CPEB3: variants seen among roughly 807,000 people sequenced by gnomAD.
CPEB3 encodes the protein cytoplasmic polyadenylation element binding protein 3.
CPEB3 carries 20 observed loss-of-function variants against 67.2 expected under a neutral mutation model. The ratio of observed to expected loss-of-function variants is 0.30; its 90% CI spans 0.21 to 0.43. CPEB3 has a LOEUF of 0.43. Among genes scored for constraint, CPEB3 ranks in the 20% least tolerant of loss-of-function variants. CPEB3 has a pLI of 1.00. For missense variants in CPEB3, 746 were observed against 968.6 expected, an observed-to-expected ratio of 0.77 and a Z score of 3.05; for synonymous variants, 376 against 393.1, an observed-to-expected ratio of 0.96 and a Z score of 0.51.
At chr10:92,196,287 C>A (rs913365309) in intron 2 of CPEB3, among the ~76,000 whole-genome samples, 10 of 152,176 alleles carry the variant, frequency 6.6e-5, no homozygotes, top group African/African-American at 2.4e-4. Flanking sequence ...AATAAACAAG[C>A]CTGGCTACCT....
intron 1 of CPEB3, among the ~76,000 whole-genome samples, chr10:92,287,276 G>A (rs1253067209): frequency 2.0e-5 from 3 of 152,068 alleles, no homozygotes; most frequent in Non-Finnish European, 2.9e-5. Flanking sequence ...CTACAGGTAT[G>A]CGCCACTATC....
intron 1 of CPEB3, among the ~76,000 whole-genome samples, chr10:92,281,781 T>G (rs1349731542): frequency 6.6e-6 from 1 of 152,260 alleles, no homozygotes; most frequent in East Asian, 1.9e-4. Flanking sequence ...TCTTTTTGCA[T>G]GCACATGGTA....
intron 1 of CPEB3, among the ~76,000 whole-genome samples, chr10:92,278,554 C>CACATTGAGCTTATATCCT (rs1382501015): frequency 6.6e-6 from 1 of 151,304 alleles, no homozygotes; most frequent in Non-Finnish European, 1.5e-5. Context: ...TACCTTTTTG[C>CACATTGAGCTTATATCCT]ACATTGAGCT....
intron 9 of CPEB3, 144 bp from the exon 10 acceptor site, chr10:92,052,583 G>C: frequency 1.5e-6 from 1 of 657,806 alleles, no homozygotes; most frequent in Non-Finnish European, 2.6e-6. Flanking sequence ...TGGTGGTTGA[G>C]AGCATGGGCT....
At chr10:92,194,053 C>A (rs915943857) in intron 2 of CPEB3, among the ~76,000 whole-genome samples, 1 of 151,158 alleles carries the variant, frequency 6.6e-6, no homozygotes, top group African/African-American at 2.4e-5. Context: ...GCCTCGGCCT[C>A]CCAAAGTACA....
At chr10:92,264,398 C>A (rs1852948409) in intron 1 of CPEB3, among the ~76,000 whole-genome samples, 1 of 151,576 alleles carries the variant, frequency 6.6e-6, no homozygotes, top group Non-Finnish European at 1.5e-5. Context: ...TGAATAAGCT[C>A]AGGTCTATTT....
chr10:92,216,356 G>A (rs903562815), intron 2 of CPEB3: 13 of 1,609,248 alleles, frequency 8.1e-6, no homozygotes, highest in Middle Eastern at 1.7e-4. Flanking sequence ...GGCAGATCCC[G>A]AAGGGCCCGA....
intron 2 of CPEB3, among the ~76,000 whole-genome samples, chr10:92,222,357 T>C (rs1173753030): frequency 1.3e-5 from 2 of 152,136 alleles, no homozygotes; most frequent in South Asian, 2.1e-4. Context: ...TTAATGTCAG[T>C]ATTATTGTAA....
At chr10:92,190,431 C>T (rs1371026758) in intron 3 of CPEB3, among the ~76,000 whole-genome samples, 4 of 151,522 alleles carry the variant, frequency 2.6e-5, no homozygotes, top group Admixed American at 2.0e-4. Context: ...TTTGGGAGGC[C>T]GAGGCAGGTG....
chr10:92,172,694 G>A (rs931905857), intron 4 of CPEB3, among the ~76,000 whole-genome samples: 1 of 152,054 alleles, frequency 6.6e-6, no homozygotes, highest in African/African-American at 2.4e-5. Flanking sequence ...AAGTTGAAAG[G>A]GGGAAAAAAA....
Position 92,216,348 on chromosome 10 carries a change from C to G in CPEB3, c.1005+22998G>C. 2.5e-6 allele frequency: 4 copies of G among 1,606,100 alleles called. No homozygotes were observed. The South Asian group carries it at 4.4e-5, about 18-fold the overall frequency. ...GCCGCTGCGATGACCAAAATAAAGG[C>G]AGATCCCGAAGGGCCCGAGGCTCAG... On this transcript the variant is annotated intron_variant, in intron 2 of 9. Coordinates refer to ENST00000265997, the MANE Select transcript of CPEB3 (RefSeq NM_014912.5).
chr10:92,068,438 C>T (rs954416980), intron 9 of CPEB3, among the ~76,000 whole-genome samples: 2 of 152,198 alleles, frequency 1.3e-5, no homozygotes, highest in African/African-American at 4.8e-5. Flanking sequence ...TCACGGGCCT[C>T]TGTTTCCCCT....
chr10:92,053,777 G>A (rs1302747217), intron 9 of CPEB3, among the ~76,000 whole-genome samples: 3 of 152,064 alleles, frequency 2.0e-5, no homozygotes, highest in East Asian at 1.9e-4. Flanking sequence ...CCCTGACCTC[G>A]TGATCCACCC....
At chr10:92,086,184 A>C (rs942827824) in intron 8 of CPEB3, among the ~76,000 whole-genome samples, 2 of 152,212 alleles carry the variant, frequency 1.3e-5, no homozygotes, top group Admixed American at 6.5e-5. Flanking sequence ...TTTGGAAATA[A>C]GGACAAAACA....
At chr10:92,131,550 C>T (rs1215567316) in intron 6 of CPEB3, among the ~76,000 whole-genome samples, 1 of 152,040 alleles carries the variant, frequency 6.6e-6, no homozygotes, top group East Asian at 1.9e-4. Flanking sequence ...CCTTTAAGTA[C>T]CTAGAGTTAG....
intron 9 of CPEB3, among the ~76,000 whole-genome samples, chr10:92,076,587 C>G (rs1014419052): frequency 4.6e-5 from 7 of 151,918 alleles, no homozygotes; most frequent in Admixed American, 2.0e-4. Flanking sequence ...TAAAAAAACT[C>G]TGTGTGTGTA....
intron 6 of CPEB3, among the ~76,000 whole-genome samples, chr10:92,123,154 T>C (rs1344235526): frequency 6.6e-6 from 1 of 152,202 alleles, no homozygotes; most frequent in Non-Finnish European, 1.5e-5. Context: ...AGCAAAGTCT[T>C]GCAGTCCAGG....
intron 4 of CPEB3, among the ~76,000 whole-genome samples, chr10:92,145,635 C>CA (rs35889055): frequency 0.017 from 1,236 of 74,504 alleles, 7 homozygotes; most frequent in Middle Eastern, 0.023. Context: ...AACTCAGTCT[C>CA]AAAAAAAAAA....
intron 2 of CPEB3, among the ~76,000 whole-genome samples, chr10:92,215,718 G>T (rs1242029293): frequency 1.3e-5 from 2 of 149,622 alleles, no homozygotes; most frequent in African/African-American, 4.9e-5. Flanking sequence ...TGGAATTACA[G>T]GCATGAGCCA....
Sources: gnomAD v4.1 joint callset for allele counts (sites outside exome capture counted in the v4.1 genomes callset) on GRCh38, gnomAD v4.1.1 for gene constraint, MANE v1.5 for transcripts, NCBI Gene and HGNC (gene_info 2026-07-23, HGNC 2026-07-21) for gene names.